The following ANKS1B variants were observed in gnomAD, a reference collection of about 807,000 sequenced individuals.
ANKS1B encodes ankyrin repeat and sterile alpha motif domain containing 1B.
Under a neutral mutation model 148.3 loss-of-function variants are expected in ANKS1B, and 36 were observed. That is an observed-to-expected ratio of 0.24 (90% confidence interval 0.19 to 0.32). The LOEUF is 0.32. Ranked by LOEUF, ANKS1B falls within the 10% of genes least tolerant of loss-of-function variation. ANKS1B has a pLI of 1.00. For synonymous variants in ANKS1B, 542 were observed against 560.8 expected, an observed-to-expected ratio of 0.97 and a Z score of 0.47; for missense variants, 1,157 against 1,542.6, an observed-to-expected ratio of 0.75 and a Z score of 4.19.
chr12:99,240,849 T>C (rs951227619), intron 14 of ANKS1B, among the ~76,000 whole-genome samples: 3 of 152,144 alleles, frequency 2.0e-5, no homozygotes, highest in African/African-American at 4.8e-5. Context: ...TTGAAACCAA[T>C]GAGAACAAAG....
At chr12:99,045,573 G>A (rs543343122) in intron 17 of ANKS1B, among the ~76,000 whole-genome samples, 130 of 152,292 alleles carry the variant, frequency 8.5e-4, no homozygotes, top group African/African-American at 2.9e-3. Flanking sequence ...CAATTCAATT[G>A]TTTTAGATAT....
intron 11 of ANKS1B, among the ~76,000 whole-genome samples, 162 bp from the exon 12 acceptor site, chr12:99,399,973 G>C (rs956141129): frequency 5.3e-5 from 8 of 151,994 alleles, no homozygotes; most frequent in Non-Finnish European, 2.9e-5. Context: ...TTAATTTCTT[G>C]ATGAATTAAA....
chr12:99,900,997 T>C (rs1603447623), intron 1 of ANKS1B, among the ~76,000 whole-genome samples: 1 of 152,190 alleles, frequency 6.6e-6, no homozygotes, highest in Non-Finnish European at 1.5e-5. Flanking sequence ...ACAAGTATAA[T>C]TATCCTCTAG....
intron 1 of ANKS1B, among the ~76,000 whole-genome samples, chr12:99,903,302 G>A (rs1306817067): frequency 6.6e-6 from 1 of 152,176 alleles, no homozygotes; most frequent in Non-Finnish European, 1.5e-5. Context: ...TAGCTGTGGT[G>A]ATTGGTCCAT....
At chr12:99,462,537 T>C (rs112115157) in intron 10 of ANKS1B, among the ~76,000 whole-genome samples, 5 of 152,330 alleles carry the variant, frequency 3.3e-5, no homozygotes, top group African/African-American at 1.2e-4. Flanking sequence ...AGCTTTCTGG[T>C]GAATCCATCT....
At chr12:99,696,440 G>A (rs528483980) in intron 8 of ANKS1B, among the ~76,000 whole-genome samples, 8 of 152,020 alleles carry the variant, frequency 5.3e-5, no homozygotes, top group East Asian at 3.9e-4. Context: ...ATACCAATAC[G>A]CTCAAGAGAT....
chr12:99,130,639 C>T (rs376602128), intron 15 of ANKS1B, among the ~76,000 whole-genome samples: 20 of 152,254 alleles, frequency 1.3e-4, no homozygotes, highest in African/African-American at 4.8e-4. Context: ...TATTAATAAA[C>T]AAATCCTGAC....
At chr12:99,823,162 T>C (rs1739209968) in intron 2 of ANKS1B, among the ~76,000 whole-genome samples, 1 of 152,204 alleles carries the variant, frequency 6.6e-6, no homozygotes, top group African/African-American at 2.4e-5. Context: ...TGTTGAATTC[T>C]TTAAATTCCT....
chr12:99,980,808 C>T (rs1447149454), intron 1 of ANKS1B, among the ~76,000 whole-genome samples: 1 of 152,018 alleles, frequency 6.6e-6, no homozygotes, highest in Non-Finnish European at 1.5e-5. Context: ...TTTATATTGA[C>T]CCATACAGCC....
intron 1 of ANKS1B, among the ~76,000 whole-genome samples, chr12:99,947,962 T>G (rs946518348): frequency 6.6e-6 from 1 of 152,180 alleles, no homozygotes; most frequent in Non-Finnish European, 1.5e-5. Context: ...TGTCCCTGAC[T>G]TCTTCTTCTA....
intron 10 of ANKS1B, among the ~76,000 whole-genome samples, chr12:99,479,641 T>C (rs114269762): frequency 1.4e-3 from 217 of 152,030 alleles, no homozygotes; most frequent in African/African-American, 4.7e-3. Flanking sequence ...AGACAAATAC[T>C]GCATGACCTC....
In ANKS1B at chr12:99,292,247, CT is replaced by C. The variant is rs1224943008; in HGVS notation, c.1757-45384del. ...GTGGCTCACGCCTGTAATCCCAGCACTTTGGGAGGGCAAGATGGGCAGATCA... is the reference window on the plus strand; with the variant it reads ...GTGGCTCACGCCTGTAATCCCAGCACTTGGGAGGGCAAGATGGGCAGATCA... On this transcript the variant is annotated intron_variant, in intron 12 of 26. Coordinates refer to ENST00000683438, the MANE Select transcript of ANKS1B (RefSeq NM_001352186.2). Among the ~76,000 whole-genome samples, 3 of 151,820 alleles carry C rather than the reference CT, an allele frequency of 2.0e-5. No homozygotes were observed. In the South Asian group the frequency reaches 6.2e-4, roughly 32 times the overall value.
At chr12:99,810,443 A>G (rs1187903727) in intron 3 of ANKS1B, among the ~76,000 whole-genome samples, 1 of 152,052 alleles carries the variant, frequency 6.6e-6, no homozygotes, top group African/African-American at 2.4e-5. Flanking sequence ...AAAAATAAAA[A>G]TCCTACATCA....
chr12:99,277,294 C>G (rs146091477), intron 12 of ANKS1B, among the ~76,000 whole-genome samples: 83 of 152,258 alleles, frequency 5.5e-4, no homozygotes, highest in Middle Eastern at 6.8e-3. Flanking sequence ...AAAGGAAGAT[C>G]ACCCCTATTT....
chr12:99,008,576 T>C (rs1034978803), intron 17 of ANKS1B, among the ~76,000 whole-genome samples: 1 of 152,214 alleles, frequency 6.6e-6, no homozygotes. Context: ...CTCGGGACTT[T>C]CTTGCAGTCT....
intron 12 of ANKS1B, among the ~76,000 whole-genome samples, chr12:99,399,078 A>C (rs921242935): frequency 6.6e-5 from 10 of 152,072 alleles, no homozygotes; most frequent in Admixed American, 2.0e-4. Context: ...TTGTCCCCCA[A>C]ATAAAGAAAG....
chr12:99,170,161 C>T (rs1366837266), intron 14 of ANKS1B, among the ~76,000 whole-genome samples: 1 of 152,168 alleles, frequency 6.6e-6, no homozygotes, highest in African/African-American at 2.4e-5. Context: ...CAGCAAAGGG[C>T]TCTGCTGTGA....
intron 1 of ANKS1B, among the ~76,000 whole-genome samples, chr12:99,982,127 G>C (rs2095711154): frequency 6.6e-6 from 1 of 151,954 alleles, no homozygotes; most frequent in Non-Finnish European, 1.5e-5. Flanking sequence ...TTACAACTTG[G>C]TTCGAAGTAC....
At chr12:99,313,846 G>C (rs1368361235) in intron 12 of ANKS1B, among the ~76,000 whole-genome samples, 1 of 152,104 alleles carries the variant, frequency 6.6e-6, no homozygotes, top group Admixed American at 6.5e-5. Flanking sequence ...CATTCCCTTC[G>C]AAAACTGGTA....
Sources: allele counts gnomAD v4.1 joint callset (sites outside exome capture counted in the v4.1 genomes callset), GRCh38; gene constraint gnomAD v4.1.1; transcripts MANE v1.5; gene names NCBI Gene and HGNC (gene_info 2026-07-23, HGNC 2026-07-21).